ATRNL1: variants seen among roughly 807,000 people sequenced by gnomAD.
ATRNL1 encodes attractin-like protein 1.
Under a neutral mutation model 182.7 loss-of-function variants are expected in ATRNL1, and 95 were observed. The observed-to-expected ratio is 0.52, with a 90% CI of 0.44 to 0.62. The LOEUF is 0.62. ATRNL1 is among the 20% of genes least tolerant of loss of function. The probability of loss-of-function intolerance (pLI) is 0.00; values close to 1 mark genes in which losing one functional copy is unlikely to be tolerated. For missense variants in ATRNL1, 1,471 were observed against 1,679.5 expected, an observed-to-expected ratio of 0.88 and a Z score of 2.17; for synonymous variants, 576 against 568.3, an observed-to-expected ratio of 1.01 and a Z score of -0.19.
chr10:115,554,158 C>T (rs11594315), intron 26 of ATRNL1, among the ~76,000 whole-genome samples: 24,732 of 151,390 alleles, frequency 0.16, 2,542 homozygotes, highest in South Asian at 0.24. Flanking sequence ...TTTTAAAACT[C>T]GTTAGTAAAT....
At chr10:115,644,590 C>T (rs1169438809) in intron 26 of ATRNL1, among the ~76,000 whole-genome samples, 1 of 152,086 alleles carries the variant, frequency 6.6e-6, no homozygotes, top group African/African-American at 2.4e-5. Context: ...CCTCATTTAG[C>T]CATTTACTCC....
intron 19 of ATRNL1, among the ~76,000 whole-genome samples, chr10:115,359,591 T>G (rs1856644551): frequency 6.6e-6 from 1 of 151,602 alleles, no homozygotes; most frequent in South Asian, 2.1e-4. Flanking sequence ...TTAATTATTA[T>G]AGATGATTTC....
chr10:115,408,325 A>G (rs1345956083), intron 20 of ATRNL1, among the ~76,000 whole-genome samples: 1 of 152,014 alleles, frequency 6.6e-6, no homozygotes, highest in Non-Finnish European at 1.5e-5. Flanking sequence ...CTTGATGATT[A>G]GTGATGTTGG....
At chr10:115,467,093 A>G (rs1192397404) in intron 22 of ATRNL1, 81 bp from the exon 23 acceptor site, 5 of 758,876 alleles carry the variant, frequency 6.6e-6, no homozygotes, top group Non-Finnish European at 9.1e-6. Context: ...AATAAAACAG[A>G]CATAATTAAA....
chr10:115,136,864 T>C (rs1204503829), intron 5 of ATRNL1, among the ~76,000 whole-genome samples: 2 of 152,234 alleles, frequency 1.3e-5, no homozygotes, highest in Admixed American at 6.5e-5. Context: ...TCTTGGTTGC[T>C]TCTGTAAAAT....
chr10:115,844,363 A>G (rs868947407), intron 27 of ATRNL1, among the ~76,000 whole-genome samples: 2 of 152,042 alleles, frequency 1.3e-5, no homozygotes, highest in South Asian at 2.1e-4. Context: ...TTACCCATTG[A>G]TGTTTTCCAA....
In ATRNL1 at chr10:115,194,957, AAAAAC is replaced by A. The variant is rs1485729356; in HGVS notation, c.1349-20731_1349-20727del. Among the ~76,000 whole-genome samples the A allele has an allele frequency of 3.9e-5, 6 of 152,022 alleles. No homozygotes were observed. In the East Asian group the frequency reaches 9.6e-4, roughly 24 times the overall value. On this transcript the variant is annotated intron_variant, in intron 8 of 28. Coordinates refer to ENST00000355044, the MANE Select transcript of ATRNL1 (RefSeq NM_207303.4). ...TAATTTTGATTACAAGGAAAAGAAA[AAAAAC>A]AAAACAAATAAGCAAATAAAAAACT...
chr10:115,293,249 G>A (rs2133956450), intron 15 of ATRNL1, among the ~76,000 whole-genome samples: 1 of 152,010 alleles, frequency 6.6e-6, no homozygotes, highest in Non-Finnish European at 1.5e-5. Flanking sequence ...TGTCTTTCCA[G>A]GTGAGGTAAG....
intron 26 of ATRNL1, among the ~76,000 whole-genome samples, chr10:115,585,114 T>C (rs201690689): frequency 0.37 from 36,944 of 99,084 alleles, 7,355 homozygotes; most frequent in African/African-American, 0.53. Flanking sequence ...GTCTGAGAGA[T>C]AGTTTGTTAT....
chr10:115,518,778 G>T (rs1407741359), intron 24 of ATRNL1, among the ~76,000 whole-genome samples: 1 of 151,750 alleles, frequency 6.6e-6, no homozygotes. Context: ...CAACTTTTTG[G>T]CTAGTTTCAC....
At chr10:115,515,492 A>T (rs1850592896) in intron 24 of ATRNL1, among the ~76,000 whole-genome samples, 1 of 151,792 alleles carries the variant, frequency 6.6e-6, no homozygotes, top group African/African-American at 2.4e-5. Flanking sequence ...GTGAAATTAT[A>T]GTTTTAATTT....
intron 1 of ATRNL1, among the ~76,000 whole-genome samples, chr10:115,108,111 C>T (rs1844097620): frequency 6.6e-6 from 1 of 152,196 alleles, no homozygotes; most frequent in Admixed American, 6.5e-5. Context: ...TTTACATATA[C>T]AAACTGTGAC....
chr10:115,817,749 C>T (rs1408526298), intron 27 of ATRNL1, among the ~76,000 whole-genome samples: 2 of 147,130 alleles, frequency 1.4e-5, no homozygotes, highest in Non-Finnish European at 3.0e-5. Flanking sequence ...CCTATGCTAA[C>T]TGGCCCATAA....
At chr10:115,516,910 T>C (rs1371680584) in intron 24 of ATRNL1, among the ~76,000 whole-genome samples, 1 of 151,864 alleles carries the variant, frequency 6.6e-6, no homozygotes, top group Non-Finnish European at 1.5e-5. Context: ...ATCTTTGTTT[T>C]TTTCCACTCA....
chr10:115,900,703 T>G (rs1475788333), intron 28 of ATRNL1, among the ~76,000 whole-genome samples: 1 of 152,226 alleles, frequency 6.6e-6, no homozygotes, highest in African/African-American at 2.4e-5. Flanking sequence ...GAGCTGGAAT[T>G]TGAACCCAGG....
At chr10:115,223,913 G>GTGTGTGTATATA (rs71476115) in intron 9 of ATRNL1, among the ~76,000 whole-genome samples, 24 of 55,928 alleles carry the variant, frequency 4.3e-4, no homozygotes, top group East Asian at 1.2e-3. Flanking sequence ...GTGTGTGTGT[G>GTGTGTGTATATA]TATATATATA....
intron 6 of ATRNL1, among the ~76,000 whole-genome samples, chr10:115,160,838 G>C (rs1483831475): frequency 6.6e-6 from 1 of 151,810 alleles, no homozygotes; most frequent in South Asian, 2.1e-4. Flanking sequence ...TTTTAATGTT[G>C]CTTCCAGGGG....
chr10:115,710,711 T>C (rs2134016213), intron 26 of ATRNL1, among the ~76,000 whole-genome samples: 1 of 152,252 alleles, frequency 6.6e-6, no homozygotes, highest in South Asian at 2.1e-4. Context: ...GTGAAGCATT[T>C]ACATACCCCC....
At chr10:115,768,816 C>T (rs145322301) in intron 27 of ATRNL1, among the ~76,000 whole-genome samples, 1 of 152,118 alleles carries the variant, frequency 6.6e-6, no homozygotes, top group East Asian at 1.9e-4. Flanking sequence ...TTTAGACTTA[C>T]AGATTGTGCT....
Sources: allele counts gnomAD v4.1 joint callset (sites outside exome capture counted in the v4.1 genomes callset), GRCh38; gene constraint gnomAD v4.1.1; transcripts MANE v1.5; gene names NCBI Gene and HGNC (gene_info 2026-07-23, HGNC 2026-07-21).